Variants in BABAM2 observed in about 807,000 individuals in gnomAD.
BABAM2 encodes BRISC and BRCA1 A complex member 2, also known as BRISC and BRCA1-A complex member 2.
Under a neutral mutation model 54.7 loss-of-function variants are expected in BABAM2, and 31 were observed. That is an observed-to-expected ratio of 0.57 (90% CI 0.43 to 0.77). The LOEUF is 0.77. Ranked by LOEUF, BABAM2 falls within the 30% of genes least tolerant of loss-of-function variation. BABAM2 has a pLI of 0.00. For missense variants in BABAM2, 364 were observed against 455.8 expected (o/e 0.80, Z 1.83); for synonymous variants, 167 against 162.9 (o/e 1.03, Z -0.19).
At chr2:28,016,193 T>G (rs774207436) in intron 4 of BABAM2, 283 of 1,123,198 alleles carry the variant, frequency 2.5e-4, no homozygotes, top group Non-Finnish European at 3.5e-4. Context: ...CCAGATTTCT[T>G]CTTTTTTCTT....
At chr2:28,197,542 C>T (rs1015485671) in intron 7 of BABAM2, among the ~76,000 whole-genome samples, 2 of 152,048 alleles carry the variant, frequency 1.3e-5, no homozygotes, top group Non-Finnish European at 1.5e-5. Context: ...TACCCTTAAA[C>T]CTAAATGAGA....
intron 3 of BABAM2, among the ~76,000 whole-genome samples, chr2:27,961,882 C>T (rs1480167416): frequency 9.2e-5 from 14 of 151,570 alleles, no homozygotes; most frequent in Admixed American, 6.6e-4. Flanking sequence ...CATGCACCCC[C>T]GCATCTGGCT....
chr2:28,198,045 T>C (rs1448797882), intron 7 of BABAM2, among the ~76,000 whole-genome samples: 3 of 152,158 alleles, frequency 2.0e-5, no homozygotes, highest in African/African-American at 7.2e-5. Context: ...CATGTAAGGA[T>C]AAATTAGAAG....
chr2:28,082,640 T>C (rs1192603221), intron 6 of BABAM2, among the ~76,000 whole-genome samples: 2 of 152,194 alleles, frequency 1.3e-5, no homozygotes, highest in African/African-American at 2.4e-5. Flanking sequence ...AGTTAAGGAA[T>C]TGGATGGTTG....
At chr2:28,069,793 A>T (rs1663956259) in intron 6 of BABAM2, among the ~76,000 whole-genome samples, 1 of 152,238 alleles carries the variant, frequency 6.6e-6, no homozygotes, top group South Asian at 2.1e-4. Flanking sequence ...TAATACATGT[A>T]ACTGGTTAGT....
intron 11 of BABAM2, among the ~76,000 whole-genome samples, chr2:28,319,850 A>G (rs1219314530): frequency 1.3e-5 from 2 of 152,232 alleles, no homozygotes; most frequent in African/African-American, 2.4e-5. Context: ...CACTTGCAGC[A>G]CAGAGAAATG....
intron 6 of BABAM2, among the ~76,000 whole-genome samples, chr2:28,059,942 T>C (rs1231061589): frequency 6.6e-6 from 1 of 152,104 alleles, no homozygotes; most frequent in Non-Finnish European, 1.5e-5. Context: ...AAGGAAGAAA[T>C]AGTATAGAAA....
At chr2:28,011,506 C>G (rs557586239) in intron 4 of BABAM2, among the ~76,000 whole-genome samples, 2 of 152,236 alleles carry the variant, frequency 1.3e-5, no homozygotes, top group East Asian at 3.9e-4. Context: ...AAGCCTATAG[C>G]TGGGATTTCG....
intron 7 of BABAM2, among the ~76,000 whole-genome samples, chr2:28,201,034 G>C (rs1405937267): frequency 6.6e-6 from 1 of 152,160 alleles, no homozygotes; most frequent in Non-Finnish European, 1.5e-5. Context: ...GCCTCCCAAA[G>C]TGCTCAGTTT....
At chr2:28,155,548 G>C (rs1325514785) in intron 7 of BABAM2, among the ~76,000 whole-genome samples, 1 of 152,124 alleles carries the variant, frequency 6.6e-6, no homozygotes, top group Admixed American at 6.5e-5. Context: ...TAAAAGTGCT[G>C]AGGTAATAAA....
At chr2:28,162,422 A>G (rs1573721123) in intron 7 of BABAM2, among the ~76,000 whole-genome samples, 1 of 151,928 alleles carries the variant, frequency 6.6e-6, no homozygotes, top group South Asian at 2.1e-4. Flanking sequence ...CCTTTTTGTC[A>G]CCTTTTACCC....
intron 10 of BABAM2, among the ~76,000 whole-genome samples, chr2:28,286,968 T>C (rs765015503): frequency 5.3e-5 from 8 of 150,536 alleles, no homozygotes; most frequent in Non-Finnish European, 1.2e-4. Context: ...TTTGAGGAAC[T>C]TTTTTTTTTC....
chr2:28,066,709 C>G (rs762703615), intron 6 of BABAM2, among the ~76,000 whole-genome samples: 1 of 152,154 alleles, frequency 6.6e-6, no homozygotes, highest in African/African-American at 2.4e-5. Context: ...CCAAAGGCTG[C>G]TTGAGTGTCT....
chr2:28,058,524 T>C (rs1453425426), intron 6 of BABAM2, among the ~76,000 whole-genome samples: 2 of 151,512 alleles, frequency 1.3e-5, no homozygotes, highest in South Asian at 2.1e-4. Context: ...GTGATGCATG[T>C]TTTAGATTTG....
intron 10 of BABAM2, among the ~76,000 whole-genome samples, chr2:28,246,434 A>G (rs1682923672): frequency 6.6e-6 from 1 of 152,054 alleles, no homozygotes; most frequent in South Asian, 2.1e-4. Context: ...TGCTTCCTTA[A>G]TTTATTCATA....
intron 5 of BABAM2, among the ~76,000 whole-genome samples, chr2:28,028,684 T>C (rs1676068610): frequency 6.6e-6 from 1 of 152,218 alleles, no homozygotes; most frequent in Non-Finnish European, 1.5e-5. Context: ...GTTTAGGTGC[T>C]CTTCTCTGCT....
intron 6 of BABAM2, among the ~76,000 whole-genome samples, chr2:28,098,555 C>T (rs1365221307): frequency 6.6e-6 from 1 of 152,138 alleles, no homozygotes; most frequent in African/African-American, 2.4e-5. Context: ...TTGTTCCTCT[C>T]CAATATCTAA....
At chr2:27,928,896 A>T (rs994804390) in intron 2 of BABAM2, among the ~76,000 whole-genome samples, 1 of 151,488 alleles carries the variant, frequency 6.6e-6, no homozygotes, top group Admixed American at 6.6e-5. Flanking sequence ...ACATTGTATA[A>T]CTTTGTGAAA....
At chr2:28,085,561 T>A (rs973752543) in intron 6 of BABAM2, among the ~76,000 whole-genome samples, 1 of 152,210 alleles carries the variant, frequency 6.6e-6, no homozygotes, top group Non-Finnish European at 1.5e-5. Flanking sequence ...ATATTTTAGA[T>A]GATAAATGCT....
Sources: allele counts gnomAD v4.1 joint callset (sites outside exome capture counted in the v4.1 genomes callset), GRCh38; gene constraint gnomAD v4.1.1; transcripts MANE v1.5; gene names NCBI Gene and HGNC (gene_info 2026-07-23, HGNC 2026-07-21).